RFX3: variants seen among roughly 807,000 people sequenced by gnomAD.
The protein encoded by RFX3 is regulatory factor X3, also known as transcription factor RFX3.
A neutral mutation model predicts 98.6 loss-of-function variants in RFX3; 14 were observed. That is an observed-to-expected ratio of 0.14 (90% CI 0.09 to 0.22). RFX3 has a LOEUF of 0.22. RFX3 is among the 10% of genes least tolerant of loss of function. The pLI, the probability that RFX3 is intolerant of heterozygous loss-of-function variation, is 1.00. For synonymous variants in RFX3, 383 were observed against 328.4 expected, an observed-to-expected ratio of 1.17 and a Z score of -1.80; for missense variants, 639 against 926.9, an observed-to-expected ratio of 0.69 and a Z score of 4.03.
chr9:3,287,646 C>A (rs771520862), intron 7 of RFX3, among the ~76,000 whole-genome samples: 8 of 151,924 alleles, frequency 5.3e-5, no homozygotes, highest in African/African-American at 7.2e-5. Flanking sequence ...ATTCATCCAT[C>A]CATTCATGAA....
intron 3 of RFX3, among the ~76,000 whole-genome samples, chr9:3,341,899 A>G (rs1319920588): frequency 6.6e-6 from 1 of 152,220 alleles, no homozygotes; most frequent in African/African-American, 2.4e-5. Context: ...CCATGTAACC[A>G]TTTCTCTTAA....
intron 4 of RFX3, among the ~76,000 whole-genome samples, chr9:3,324,605 G>C (rs902293994): frequency 1.3e-5 from 2 of 149,996 alleles, no homozygotes; most frequent in Non-Finnish European, 1.5e-5. Flanking sequence ...AAAAAAGAGA[G>C]AGGGAGTGAA....
chr9:3,392,096 G>A (rs1025627637), intron 2 of RFX3, among the ~76,000 whole-genome samples: 2 of 152,100 alleles, frequency 1.3e-5, no homozygotes, highest in African/African-American at 4.8e-5. Flanking sequence ...ACATCAGAGG[G>A]TTCTTAATTA....
intron 4 of RFX3, among the ~76,000 whole-genome samples, chr9:3,325,724 T>C (rs538642197): frequency 6.6e-5 from 10 of 152,156 alleles, no homozygotes; most frequent in Non-Finnish European, 1.3e-4. Context: ...ATAAATTATG[T>C]TGTGATGAGC....
At chr9:3,365,193 A>T (rs1479460831) in intron 2 of RFX3, among the ~76,000 whole-genome samples, 1 of 151,530 alleles carries the variant, frequency 6.6e-6, no homozygotes, top group Non-Finnish European at 1.5e-5. Flanking sequence ...CCAGCTACTC[A>T]GGAGGCTGAG....
chr9:3,365,024 G>A (rs1014129761), intron 2 of RFX3, among the ~76,000 whole-genome samples: 8 of 152,096 alleles, frequency 5.3e-5, no homozygotes, highest in African/African-American at 1.7e-4. Context: ...GTAACAGGCC[G>A]GGCGTGGTGG....
intron 7 of RFX3, among the ~76,000 whole-genome samples, chr9:3,281,189 T>G (rs1234139266): frequency 6.6e-6 from 1 of 151,734 alleles, no homozygotes; most frequent in Non-Finnish European, 1.5e-5. Flanking sequence ...ACATAGTAAT[T>G]CTACATTATG....
Position 3,288,127 on chromosome 9 carries a change from C to A in RFX3, c.851+4G>T. On this transcript the variant is annotated splice_donor_region_variant and intron_variant, in intron 7 of 16. Transcript: ENST00000617270. ...GACACATCAATGATAACTTCAGAGTCTACCTTTGTTTCTGTTGCATGGGTT... is the reference window on the plus strand; with the variant it reads ...GACACATCAATGATAACTTCAGAGTATACCTTTGTTTCTGTTGCATGGGTT... The A allele has an allele frequency of 6.2e-7, 1 of 1,612,524 alleles. No homozygotes were observed. Among genetic ancestry groups the A allele is most frequent in the Non-Finnish European group, 8.5e-7 (1 of 1,178,810 alleles).
intron 1 of RFX3, among the ~76,000 whole-genome samples, chr9:3,476,323 G>C (rs1411424379): frequency 2.0e-5 from 3 of 152,020 alleles, no homozygotes; most frequent in South Asian, 2.1e-4. Flanking sequence ...ATGGCTTGCT[G>C]CCCACAGAAT....
chr9:3,253,605 C>G (rs927187958), intron 14 of RFX3, among the ~76,000 whole-genome samples: 1 of 152,100 alleles, frequency 6.6e-6, no homozygotes, highest in Non-Finnish European at 1.5e-5. Flanking sequence ...CCAGGTTAGG[C>G]AAGGAGAGAG....
At chr9:3,248,783 A>G (rs1257934584) in intron 14 of RFX3, among the ~76,000 whole-genome samples, 3 of 152,246 alleles carry the variant, frequency 2.0e-5, no homozygotes, top group Non-Finnish European at 4.4e-5. Flanking sequence ...CACTTAAATT[A>G]AGGCACATTT....
rs1342433324 is a variant in RFX3 at position 3,505,190 on chromosome 9, G to A, written c.-9+20557C>T. 1.8e-4 allele frequency among the ~76,000 whole-genome samples: 14 copies of A among 78,126 alleles called. No homozygotes were observed. The East Asian group carries it at 4.1e-3, about 23-fold the overall frequency. The allele number at this position is 78,126 out of a possible 152,430, so 51.3% of individuals were successfully genotyped here. On this transcript the variant is annotated intron_variant, in intron 1 of 16. Transcript: ENST00000617270. ...TTTATATTCATATAAATATATATAT[G>A]AATATATATTTATATATATATGAAT...
intron 1 of RFX3, among the ~76,000 whole-genome samples, chr9:3,414,921 C>T (rs945117008): frequency 1.6e-5 from 2 of 128,474 alleles, no homozygotes; most frequent in Non-Finnish European, 3.1e-5. Context: ...CACATATATA[C>T]TCATATGTGT....
chr9:3,308,583 A>G (rs940169071), intron 4 of RFX3, among the ~76,000 whole-genome samples: 13 of 152,306 alleles, frequency 8.5e-5, no homozygotes, highest in Non-Finnish European at 1.8e-4. Flanking sequence ...CAGATTTCTG[A>G]CCACATATTA....
intron 1 of RFX3, among the ~76,000 whole-genome samples, chr9:3,516,587 G>A (rs920082589): frequency 6.6e-6 from 1 of 152,126 alleles, no homozygotes; most frequent in Non-Finnish European, 1.5e-5. Context: ...AGACCTTGAC[G>A]GGATTTTTAG....
chr9:3,245,686 T>C (rs1820567285), intron 15 of RFX3, among the ~76,000 whole-genome samples: 2 of 152,240 alleles, frequency 1.3e-5, no homozygotes, highest in African/African-American at 4.8e-5. Context: ...ACAGCAAGAC[T>C]ATTATCTTCA....
intron 6 of RFX3, among the ~76,000 whole-genome samples, chr9:3,289,258 T>C (rs1452993900): frequency 3.9e-5 from 6 of 152,052 alleles, no homozygotes; most frequent in East Asian, 1.9e-4. Flanking sequence ...TAAAAACATA[T>C]ATTAAATGAA....
intron 1 of RFX3, among the ~76,000 whole-genome samples, chr9:3,519,605 T>C (rs569576229): frequency 2.0e-5 from 3 of 152,298 alleles, no homozygotes; most frequent in African/African-American, 7.2e-5. Context: ...ATTGATCCTA[T>C]TTTTCAAATG....
intron 1 of RFX3, among the ~76,000 whole-genome samples, chr9:3,505,168 A>G (rs1278061644): frequency 1.1e-5 from 1 of 93,986 alleles, no homozygotes; most frequent in Admixed American, 1.6e-4. Context: ...AATATATTTT[A>G]TATTCATATA....
Sources: allele counts gnomAD v4.1 joint callset (sites outside exome capture counted in the v4.1 genomes callset), GRCh38; gene constraint gnomAD v4.1.1; transcripts MANE v1.5; gene names NCBI Gene and HGNC (gene_info 2026-07-23, HGNC 2026-07-21).